The following CEP89 variants were observed in gnomAD, a reference collection of about 807,000 sequenced individuals.
The protein encoded by CEP89 is centrosomal protein of 89 kDa.
Under a neutral mutation model 97.6 loss-of-function variants are expected in CEP89, and 95 were observed. The observed-to-expected ratio is 0.97, with a 90% CI of 0.82 to 1.15. The LOEUF (loss-of-function observed/expected upper bound fraction) is 1.15. CEP89 is among the 50% of genes most tolerant of loss of function. CEP89 has a pLI of 0.00. For missense variants in CEP89, 869 were observed against 947.7 expected (o/e 0.92, Z 1.09); for synonymous variants, 354 against 349.1 (o/e 1.01, Z -0.16).
intron 17 of CEP89, among the ~76,000 whole-genome samples, chr19:32,882,470 G>A (rs1354928782): frequency 6.6e-6 from 1 of 151,848 alleles, no homozygotes; most frequent in Non-Finnish European, 1.5e-5. Context: ...GGCAGAGGTG[G>A]GAGGATAACT....
intron 1 of CEP89, among the ~76,000 whole-genome samples, chr19:32,966,807 G>A (rs2043291): frequency 0.12 from 17,689 of 152,170 alleles, 1,170 homozygotes; most frequent in East Asian, 0.24. Context: ...GCAGAGCAGG[G>A]CGACTTCCTG....
chr19:32,925,446 C>T (rs1002695816), intron 11 of CEP89, among the ~76,000 whole-genome samples: 1 of 150,312 alleles, frequency 6.7e-6, no homozygotes, highest in African/African-American at 2.4e-5. Flanking sequence ...TTGCCCAAAA[C>T]ATCTCCAGCC....
intron 9 of CEP89, among the ~76,000 whole-genome samples, chr19:32,928,964 A>T (rs977737374): frequency 1.3e-5 from 2 of 152,204 alleles, no homozygotes; most frequent in African/African-American, 4.8e-5. Context: ...CGACATCTGT[A>T]AACATTTGCA....
At chr19:32,929,924 A>G (rs187546327) in intron 9 of CEP89, among the ~76,000 whole-genome samples, 1 of 152,310 alleles carries the variant, frequency 6.6e-6, no homozygotes, top group Non-Finnish European at 1.5e-5. Context: ...AGAGACAGAA[A>G]ATAGATTAGT....
intron 3 of CEP89, among the ~76,000 whole-genome samples, chr19:32,954,192 A>C (rs1970998734): frequency 6.6e-6 from 1 of 151,892 alleles, no homozygotes; most frequent in Non-Finnish European, 1.5e-5. Flanking sequence ...TATTAAATGC[A>C]CTGCCTCCAA....
intron 2 of CEP89, among the ~76,000 whole-genome samples, chr19:32,963,280 C>T (rs1193458088): frequency 6.6e-6 from 1 of 152,066 alleles, no homozygotes; most frequent in Admixed American, 6.6e-5. Flanking sequence ...CGCTTGAATC[C>T]AGGAGGCGGA....
chr19:32,923,335 A>G lies in CEP89; in HGVS notation c.1268+104T>C, dbSNP rs11882910. On this transcript the variant is annotated intron_variant, in intron 12 of 18. Transcript: ENST00000305768. Reference sequence around the variant, plus strand: ...TTTCTTAGAAACTCTCCCGTAAAATATTTTAGTTAAGAATGTAATTATGTA... The same window carrying G: ...TTTCTTAGAAACTCTCCCGTAAAATGTTTTAGTTAAGAATGTAATTATGTA... 5,355 of 573,144 alleles carry G rather than the reference A, an allele frequency of 9.3e-3. 239 individuals are homozygous for G. The highest frequency in any genetic ancestry group is 0.092 in the African/African-American group (4,771 of 52,034). The allele number at this position is 573,144 out of a possible 1,614,324, so 35.5% of individuals were successfully genotyped here. A position where few individuals can be genotyped will look rare whatever the true frequency, so the allele number is the denominator to read the frequency against.
chr19:32,954,163 G>A (rs1213297413), intron 3 of CEP89, among the ~76,000 whole-genome samples: 3 of 151,874 alleles, frequency 2.0e-5, no homozygotes, highest in Admixed American at 1.3e-4. Flanking sequence ...GTGAGCCACT[G>A]TGCCCGGCCA....
At chr19:32,945,255 G>A (rs886999841) in intron 5 of CEP89, among the ~76,000 whole-genome samples, 4 of 141,520 alleles carry the variant, frequency 2.8e-5, no homozygotes, top group African/African-American at 1.1e-4. Context: ...CTGCACTCCA[G>A]CCTGGGCAAC....
intron 16 of CEP89, among the ~76,000 whole-genome samples, chr19:32,889,309 C>T (rs1244217742): frequency 6.6e-6 from 1 of 152,166 alleles, no homozygotes; most frequent in African/African-American, 2.4e-5. Context: ...TGGCAGCTCC[C>T]ATGCCTCTCC....
At chr19:32,943,851 G>C (rs1416098433) in intron 5 of CEP89, among the ~76,000 whole-genome samples, 1 of 152,004 alleles carries the variant, frequency 6.6e-6, no homozygotes. Flanking sequence ...ATTTAAAAGG[G>C]TCTGGGGTAT....
Position 32,918,262 on chromosome 19 carries a change from C to G in CEP89, c.1346G>C (p.Arg449Thr). Reference sequence around the variant, plus strand: ...CTCCTGGTGGCTGTCCTTGGCTTTCCTTTGCTGAATCTCCAACTGCTCCAG... The same window carrying G: ...CTCCTGGTGGCTGTCCTTGGCTTTCGTTTGCTGAATCTCCAACTGCTCCAG... ...LLLEQLEIQQRKAKDSHQERL... is the reference protein window; with the variant it reads ...LLLEQLEIQQTKAKDSHQERL... Residue 449 changes from arginine to threonine, a missense_variant, in exon 13 of 19, where the codon AGG becomes ACG. Transcript: ENST00000305768. 6.2e-7 allele frequency: 1 copy of G among 1,614,174 alleles called. No individual in the cohort carries two copies. Among genetic ancestry groups the G allele is most frequent in the South Asian group, 1.1e-5 (1 of 91,082 alleles).
chr19:32,933,767 G>T (rs1022457830), intron 7 of CEP89, 98 bp from the exon 8 acceptor site: 3 of 805,504 alleles, frequency 3.7e-6, no homozygotes, highest in Non-Finnish European at 6.2e-6. Flanking sequence ...ATCAGGCCTG[G>T]TGCCATGTTC....
chr19:32,948,462 C>T, intron 4 of CEP89, 94 bp from the exon 5 acceptor site: 1 of 691,774 alleles, frequency 1.4e-6, no homozygotes, highest in Non-Finnish European at 2.4e-6. Context: ...TCTTTCAAAC[C>T]TTCCCCACTG....
intron 3 of CEP89, among the ~76,000 whole-genome samples, chr19:32,959,260 C>T (rs549886071): frequency 1.3e-5 from 2 of 151,944 alleles, no homozygotes; most frequent in African/African-American, 2.4e-5. Flanking sequence ...ACCTGTGTCA[C>T]ACTCCCTCGT....
Position 32,915,505 on chromosome 19 carries a change from G to C in CEP89, c.1397C>G (p.Thr466Ser), listed in dbSNP as rs1005051223. The change falls in exon 14 of 19, where the codon ACT becomes AGT. Residue 466 changes from threonine (T) to serine (S), a missense_variant. Transcript: ENST00000305768. Reference protein sequence around the residue: ...QERLQEVSKLTKQLMLLEAKT... With the variant: ...QERLQEVSKLSKQLMLLEAKT... ...TGCCTCCAGGAGCATTAGTTGTTTA[G>C]TCAGCTTAGAAACTGAAAATCAAAA... 6.2e-7 allele frequency: 1 copy of C among 1,609,310 alleles called. No homozygotes were observed. The highest frequency in any genetic ancestry group is 1.7e-5 in the Admixed American group (1 of 58,574).
intron 17 of CEP89, among the ~76,000 whole-genome samples, chr19:32,883,224 A>G (rs929980086): frequency 2.0e-5 from 3 of 151,924 alleles, no homozygotes; most frequent in African/African-American, 7.2e-5. Context: ...TCATTTTTTT[A>G]TAAGAAGCTC....
chr19:32,883,451 C>T (rs1014891973), intron 17 of CEP89, among the ~76,000 whole-genome samples: 8 of 152,040 alleles, frequency 5.3e-5, no homozygotes, highest in African/African-American at 7.2e-5. Flanking sequence ...TTCAGGAGTT[C>T]GAGACCAGCC....
chr19:32,888,067 G>T (rs1471645545), intron 16 of CEP89, among the ~76,000 whole-genome samples: 1 of 152,208 alleles, frequency 6.6e-6, no homozygotes, highest in African/African-American at 2.4e-5. Flanking sequence ...ACAAAGAGAA[G>T]AATTCCAGCC....
Sources: allele counts gnomAD v4.1 joint callset (sites outside exome capture counted in the v4.1 genomes callset), GRCh38; gene constraint gnomAD v4.1.1; transcripts MANE v1.5; gene names NCBI Gene and HGNC (gene_info 2026-07-23, HGNC 2026-07-21).